PKHD1: variants seen among roughly 807,000 people sequenced by gnomAD.
The protein encoded by PKHD1 is fibrocystin.
In PKHD1, 291 loss-of-function variants were observed where a neutral mutation model predicts 412.0. That is an observed-to-expected ratio of 0.71 (90% CI 0.64 to 0.78). PKHD1 has a LOEUF of 0.78. PKHD1 is among the 30% of genes least tolerant of loss of function. The pLI, the probability that PKHD1 is intolerant of heterozygous loss-of-function variation, is 0.00. For synonymous variants in PKHD1, 1,777 were observed against 1,821.5 expected (o/e 0.98, Z 0.62); for missense variants, 4,825 against 4,950.7 (o/e 0.97, Z 0.76).
intron 35 of PKHD1, among the ~76,000 whole-genome samples, chr6:51,981,487 C>G (rs1466254737): frequency 6.6e-6 from 1 of 151,936 alleles, no homozygotes; most frequent in Non-Finnish European, 1.5e-5. Context: ...CACTGGTTTT[C>G]GTTTTTTTTT....
At position 51,617,425 on chromosome 6, in the gene PKHD1, A is replaced by G. The variant is rs1350000025; in HGVS notation, c.*1656T>C. 1 of 152,196 alleles carries G rather than the reference A, an allele frequency of 6.6e-6. No individual in the cohort carries two copies. The highest frequency in any genetic ancestry group is 1.5e-5 in the Non-Finnish European group (1 of 68,050). 9.4% of individuals were successfully genotyped at this position (152,196 alleles called of 1,614,324 possible). A position where few individuals can be genotyped will look rare whatever the true frequency, so the allele number is the denominator to read the frequency against. On this transcript the variant is annotated 3_prime_UTR_variant, in exon 67 of 67. Transcript: ENST00000371117. The stretch of plus-strand genomic sequence containing the variant: ...AATTCTGTTGGTGCCCAAGCAAAAT[A>G]CATCATCTACAAAGAGGACTTACTC...
chr6:51,954,482 A>G (rs528215492), intron 36 of PKHD1, among the ~76,000 whole-genome samples: 2 of 152,194 alleles, frequency 1.3e-5, no homozygotes, highest in South Asian at 4.1e-4. Flanking sequence ...CAAAAAATAG[A>G]AAATCACATT....
chr6:51,737,189 G>T (rs1783966145), intron 60 of PKHD1, among the ~76,000 whole-genome samples: 1 of 152,174 alleles, frequency 6.6e-6, no homozygotes, highest in South Asian at 2.1e-4. Flanking sequence ...CTGCCCTGAA[G>T]GTGTATGTGG....
At chr6:51,702,157 A>T (rs1027129615) in intron 60 of PKHD1, among the ~76,000 whole-genome samples, 9 of 146,330 alleles carry the variant, frequency 6.2e-5, no homozygotes, top group African/African-American at 2.2e-4. Flanking sequence ...ATTATATATT[A>T]TATATATTAT....
intron 52 of PKHD1, among the ~76,000 whole-genome samples, chr6:51,829,693 A>ACC (rs1767924878): frequency 6.6e-6 from 1 of 152,148 alleles, no homozygotes. Flanking sequence ...TTACACAAAC[A>ACC]CACCACCAAT....
chr6:52,054,212 GTCAT>G, intron 19 of PKHD1, 47 bp from the exon 20 acceptor site: 1 of 1,603,430 alleles, frequency 6.2e-7, no homozygotes, highest in Non-Finnish European at 8.5e-7. Flanking sequence ...GCAAGAAGCA[GTCAT>G]TCAAACAATA....
At chr6:51,834,461 G>A (rs1418043919) in intron 51 of PKHD1, among the ~76,000 whole-genome samples, 2 of 152,016 alleles carry the variant, frequency 1.3e-5, no homozygotes, top group Admixed American at 6.6e-5. Flanking sequence ...TTAACACATA[G>A]ATAGATGGTT....
intron 35 of PKHD1, among the ~76,000 whole-genome samples, chr6:51,961,808 A>G (rs2127955896): frequency 6.6e-6 from 1 of 152,270 alleles, no homozygotes; most frequent in East Asian, 1.9e-4. Context: ...TTGGATTTCC[A>G]GAAGCCCAGA....
chr6:51,748,377 C>T lies in PKHD1; in HGVS notation c.9239G>A (p.Gly3080Glu). The change falls in exon 58 of 67, where the codon GGA (glycine) becomes GAA (glutamate). Residue 3080 changes from glycine to glutamate, a missense_variant. Coordinates refer to ENST00000371117, the MANE Select transcript of PKHD1 (RefSeq NM_138694.4). ...GTCCTTTACCTGGTTCACTTTGATTCCCGCCACCCAAATGGTGGACCACGC... is the reference window on the plus strand; with the variant it reads ...GTCCTTTACCTGGTTCACTTTGATTTCCGCCACCCAAATGGTGGACCACGC... ...QPAWSTIWVA[G>E]IKVNQVKDIN... The T allele has an allele frequency of 1.9e-6, 3 of 1,614,022 alleles. No individual in the cohort carries two copies. The highest frequency in any genetic ancestry group is 2.5e-6 in the Non-Finnish European group (3 of 1,179,942).
intron 40 of PKHD1, 148 bp from the exon 41 acceptor site, chr6:51,906,488 A>T (rs1782115773): frequency 2.9e-6 from 2 of 684,406 alleles, no homozygotes; most frequent in Admixed American, 4.3e-5. Flanking sequence ...CAATCGAATC[A>T]AGAGAATGAG....
Position 51,654,137 on chromosome 6 carries a change from T to C in PKHD1, c.11174+4815A>G, listed in dbSNP as rs539639190. On this transcript the variant is annotated intron_variant, in intron 61 of 66. Coordinates refer to ENST00000371117, the MANE Select transcript of PKHD1 (RefSeq NM_138694.4). ...TGATATATTGAATGATAATTTATTG[T>C]GATTTACAATGTGCTTAGGCACACT... 2.0e-5 allele frequency among the ~76,000 whole-genome samples: 3 copies of C among 152,314 alleles called. No individual in the cohort carries two copies. The South Asian group carries it at 6.2e-4, about 32-fold the overall frequency.
Position 51,819,547 on chromosome 6 carries a change from A to G in PKHD1, c.8302+11314T>C, listed in dbSNP as rs2151444019. ...TCATTACTCTCTGAATGTTTCCTAT[A>G]GCACATTTGTTAGTCGTATTCATTT... On this transcript the variant is annotated intron_variant, in intron 52 of 66. Coordinates refer to ENST00000371117, the MANE Select transcript of PKHD1 (RefSeq NM_138694.4). Among the ~76,000 whole-genome samples the G allele has an allele frequency of 1.3e-5, 2 of 152,222 alleles. 1 individual carries two copies. Among genetic ancestry groups the G allele is most frequent in the South Asian group, 4.1e-4 (2 of 4,830 alleles).
At chr6:51,695,569 A>G (rs1432744566) in intron 60 of PKHD1, among the ~76,000 whole-genome samples, 1 of 152,202 alleles carries the variant, frequency 6.6e-6, no homozygotes, top group East Asian at 1.9e-4. Context: ...ACATATTCCT[A>G]GGATTCATTT....
chr6:51,816,104 C>A (rs896833233), intron 52 of PKHD1, among the ~76,000 whole-genome samples: 2 of 152,068 alleles, frequency 1.3e-5, no homozygotes, highest in South Asian at 4.1e-4. Context: ...ATATGATTTA[C>A]TTTCTCATAA....
At chr6:51,813,978 C>T (rs1765072951) in intron 52 of PKHD1, among the ~76,000 whole-genome samples, 1 of 152,208 alleles carries the variant, frequency 6.6e-6, no homozygotes, top group Non-Finnish European at 1.5e-5. Context: ...ATTTCTCACA[C>T]AGCTTTGAGG....
At chr6:51,764,171 G>A (rs113468705) in intron 55 of PKHD1, among the ~76,000 whole-genome samples, 45,741 of 142,868 alleles carry the variant, frequency 0.32, 8,957 homozygotes, top group East Asian at 0.7. Context: ...TCATCTGACA[G>A]AGGGCTAATA....
chr6:51,649,794 AT>A (rs1446673173), intron 61 of PKHD1, among the ~76,000 whole-genome samples: 1 of 152,194 alleles, frequency 6.6e-6, no homozygotes, highest in Admixed American at 6.6e-5. Flanking sequence ...AACAAGCCAT[AT>A]TTATATTTTC....
chr6:51,624,047 CTT>C (rs1561976768), intron 66 of PKHD1, among the ~76,000 whole-genome samples: 1 of 151,864 alleles, frequency 6.6e-6, no homozygotes, highest in Non-Finnish European at 1.5e-5. Flanking sequence ...AATTGGAACT[CTT>C]TATTCTTTTT....
intron 60 of PKHD1, among the ~76,000 whole-genome samples, chr6:51,715,900 G>A (rs1489125700): frequency 6.6e-6 from 1 of 152,162 alleles, no homozygotes; most frequent in Admixed American, 6.5e-5. Context: ...GAAAGGACAG[G>A]GAAGGAAATT....
Sources: gnomAD v4.1 joint callset for allele counts (sites outside exome capture counted in the v4.1 genomes callset) on GRCh38, gnomAD v4.1.1 for gene constraint, MANE v1.5 for transcripts, NCBI Gene and HGNC (gene_info 2026-07-23, HGNC 2026-07-21) for gene names.